LRP1B: variants seen among roughly 807,000 people sequenced by gnomAD.
LRP1B encodes LDL receptor related protein 1B, also known as low-density lipoprotein receptor-related protein 1B.
A neutral mutation model predicts 556.6 loss-of-function variants in LRP1B; 217 were observed. The ratio of observed to expected loss-of-function variants is 0.39; its 90% CI spans 0.35 to 0.44. The LOEUF (loss-of-function observed/expected upper bound fraction) is 0.44, where lower values mean the gene tolerates loss of function less well. Ranked by LOEUF, LRP1B falls within the 20% of genes least tolerant of loss-of-function variation. The pLI is 1.00. For synonymous variants in LRP1B, 2,047 were observed against 1,865.8 expected, an observed-to-expected ratio of 1.10 and a Z score of -2.50; for missense variants, 5,053 against 5,620.8, an observed-to-expected ratio of 0.90 and a Z score of 3.23.
chr2:140,469,532 A>G (rs1687680034), intron 60 of LRP1B, among the ~76,000 whole-genome samples: 1 of 152,232 alleles, frequency 6.6e-6, no homozygotes, highest in South Asian at 2.1e-4. Flanking sequence ...AGAAGACACA[A>G]AAAATATTAG....
At chr2:140,316,631 A>C (rs1171913130) in intron 82 of LRP1B, among the ~76,000 whole-genome samples, 1 of 152,180 alleles carries the variant, frequency 6.6e-6, no homozygotes. Context: ...CTTACTAGGC[A>C]TACAAGTTAC....
At chr2:140,898,650 C>T in intron 23 of LRP1B, 4 of 427,708 alleles carry the variant, frequency 9.4e-6, no homozygotes, top group South Asian at 6.9e-5. Flanking sequence ...ACTGGTCTGC[C>T]TAATGAGATT....
chr2:141,197,983 A>G (rs567632681), intron 6 of LRP1B, among the ~76,000 whole-genome samples: 91 of 152,156 alleles, frequency 6.0e-4, no homozygotes, highest in African/African-American at 1.8e-3. Context: ...TTTCTACTCA[A>G]TTATTGCCCC....
chr2:142,110,906 T>C (rs549393649), intron 1 of LRP1B, among the ~76,000 whole-genome samples: 1 of 152,302 alleles, frequency 6.6e-6, no homozygotes, highest in Admixed American at 6.5e-5. Context: ...ATAGTCTATA[T>C]GGCACTTTTG....
intron 2 of LRP1B, among the ~76,000 whole-genome samples, chr2:141,543,507 C>T (rs935295798): frequency 3.9e-4 from 45 of 115,396 alleles, no homozygotes; most frequent in South Asian, 9.9e-4. Flanking sequence ...GGTAAGAAAG[C>T]GACCCTGTCT....
intron 2 of LRP1B, among the ~76,000 whole-genome samples, chr2:141,703,717 A>T (rs952039833): frequency 2.0e-5 from 3 of 151,966 alleles, no homozygotes; most frequent in Admixed American, 2.0e-4. Context: ...ACACATCCTG[A>T]GTTTAGCACC....
intron 20 of LRP1B, among the ~76,000 whole-genome samples, chr2:140,925,548 A>G: frequency 6.6e-6 from 1 of 152,164 alleles, no homozygotes; most frequent in South Asian, 2.1e-4. Flanking sequence ...TCAACCAATA[A>G]CATTTAAAAA....
intron 43 of LRP1B, among the ~76,000 whole-genome samples, chr2:140,549,040 A>T (rs966089880): frequency 6.6e-6 from 1 of 152,154 alleles, no homozygotes; most frequent in African/African-American, 2.4e-5. Flanking sequence ...TTCTAAATTA[A>T]CTGCTAATTA....
At chr2:140,509,882 G>A (rs552554205) in intron 52 of LRP1B, 46 bp downstream of exon 52, 7 of 1,585,170 alleles carry the variant, frequency 4.4e-6, no homozygotes, top group Admixed American at 1.8e-5. Flanking sequence ...AACCAAGGAT[G>A]CTGCAACAGT....
chr2:141,185,249 T>C (rs1173632630), intron 7 of LRP1B, among the ~76,000 whole-genome samples: 1 of 152,052 alleles, frequency 6.6e-6, no homozygotes, highest in African/African-American at 2.4e-5. Flanking sequence ...GTCACACAGC[T>C]AGTAACTGGT....
intron 21 of LRP1B, among the ~76,000 whole-genome samples, chr2:140,916,067 A>C (rs920376072): frequency 9.9e-5 from 15 of 152,104 alleles, no homozygotes; most frequent in Non-Finnish European, 1.9e-4. Context: ...GGGAGGAATC[A>C]AGGAAAAATA....
chr2:142,095,204 A>G (rs1559068172), intron 1 of LRP1B, among the ~76,000 whole-genome samples: 2 of 151,172 alleles, frequency 1.3e-5, no homozygotes. Flanking sequence ...TGGGATGTGT[A>G]TATGTTTTTA....
chr2:140,675,324 C>G (rs1685633840), intron 41 of LRP1B, among the ~76,000 whole-genome samples: 1 of 152,158 alleles, frequency 6.6e-6, no homozygotes, highest in South Asian at 2.1e-4. Context: ...ACAGAGTTAA[C>G]AGTAGGGTGC....
At chr2:140,999,191 A>G (rs1697339703) in intron 15 of LRP1B, among the ~76,000 whole-genome samples, 1 of 152,034 alleles carries the variant, frequency 6.6e-6, no homozygotes, top group Non-Finnish European at 1.5e-5. Context: ...TATTCCCCTT[A>G]ATATTTCCTA....
intron 50 of LRP1B, among the ~76,000 whole-genome samples, chr2:140,516,165 C>A (rs577132658): frequency 6.6e-6 from 1 of 151,912 alleles, no homozygotes; most frequent in Non-Finnish European, 1.5e-5. Context: ...GTAATTAGTA[C>A]AAAATTTCAG....
intron 1 of LRP1B, among the ~76,000 whole-genome samples, chr2:142,103,844 C>T (rs891309983): frequency 1.3e-5 from 2 of 151,928 alleles, no homozygotes; most frequent in Non-Finnish European, 2.9e-5. Context: ...TCTTACCTAC[C>T]GTGTATAAGA....
At chr2:141,123,756 C>A (rs1701126010) in intron 7 of LRP1B, among the ~76,000 whole-genome samples, 1 of 152,146 alleles carries the variant, frequency 6.6e-6, no homozygotes, top group Non-Finnish European at 1.5e-5. Context: ...ACATAGCCAA[C>A]TACTTCTCTT....
At chr2:141,554,557 T>G (rs1574074837) in intron 2 of LRP1B, among the ~76,000 whole-genome samples, 1 of 151,814 alleles carries the variant, frequency 6.6e-6, no homozygotes, top group East Asian at 1.9e-4. Flanking sequence ...AGGAAAGACA[T>G]ACTTGGATTA....
chr2:140,820,223 A>G (rs1486129), intron 31 of LRP1B, among the ~76,000 whole-genome samples: 149,675 of 152,276 alleles, frequency 0.98, 73,621 homozygotes, highest in Middle Eastern at 1. Context: ...AAAGTGATCC[A>G]CCTGGCTCAG....
Sources: gnomAD v4.1 joint callset for allele counts (sites outside exome capture counted in the v4.1 genomes callset) on GRCh38, gnomAD v4.1.1 for gene constraint, MANE v1.5 for transcripts, NCBI Gene and HGNC (gene_info 2026-07-23, HGNC 2026-07-21) for gene names.